FIG4: variants seen among roughly 807,000 people sequenced by gnomAD.
FIG4 encodes the protein FIG4 phosphoinositide 5-phosphatase.
Under a neutral mutation model 118.6 loss-of-function variants are expected in FIG4, and 112 were observed. The ratio of observed to expected loss-of-function variants is 0.94; its 90% CI spans 0.81 to 1.11. FIG4 has a LOEUF of 1.11. Among genes scored for constraint, FIG4 ranks in the 50% least tolerant of loss-of-function variants. The pLI, the probability that FIG4 is intolerant of heterozygous loss-of-function variation, is 0.00. For missense variants in FIG4, 969 were observed against 1,111.7 expected, an observed-to-expected ratio of 0.87 and a Z score of 1.83; for synonymous variants, 369 against 381.2, an observed-to-expected ratio of 0.97 and a Z score of 0.37.
At chr6:109,785,444 G>A (rs1407481849) in intron 17 of FIG4, among the ~76,000 whole-genome samples, 4 of 152,098 alleles carry the variant, frequency 2.6e-5, no homozygotes, top group African/African-American at 4.8e-5. Context: ...GTGAAAAAAG[G>A]TACAGATGCA....
At chr6:109,698,385 G>T (rs566411882) in intron 1 of FIG4, among the ~76,000 whole-genome samples, 1 of 152,050 alleles carries the variant, frequency 6.6e-6, no homozygotes. Context: ...AAGCCTGTTG[G>T]GATTGTGATT....
chr6:109,786,236 ATAT>A (rs753237879), intron 17 of FIG4, 63 bp from the exon 18 acceptor site: 13 of 1,405,700 alleles, frequency 9.2e-6, no homozygotes, highest in Non-Finnish European at 1.3e-5. Flanking sequence ...AACACAGTTA[ATAT>A]TATGGAAATG....
At chr6:109,703,112 G>T (rs1774955548) in intron 1 of FIG4, among the ~76,000 whole-genome samples, 1 of 148,940 alleles carries the variant, frequency 6.7e-6, no homozygotes. Context: ...TTTTTTTTAA[G>T]CCCATGAGTA....
intron 22 of FIG4, among the ~76,000 whole-genome samples, chr6:109,808,900 A>C (rs1298656744): frequency 1.3e-5 from 2 of 152,168 alleles, no homozygotes; most frequent in Non-Finnish European, 2.9e-5. Context: ...ATGTATAATC[A>C]GATATGTTAC....
At chr6:109,700,119 T>A (rs1774862705) in intron 1 of FIG4, among the ~76,000 whole-genome samples, 1 of 152,210 alleles carries the variant, frequency 6.6e-6, no homozygotes, top group Non-Finnish European at 1.5e-5. Flanking sequence ...ACATATGAAT[T>A]TTAAATGTTT....
At chr6:109,795,833 C>T (rs549781685) in intron 21 of FIG4, among the ~76,000 whole-genome samples, 2 of 152,138 alleles carry the variant, frequency 1.3e-5, no homozygotes, top group East Asian at 3.9e-4. Flanking sequence ...GATCTCCTGA[C>T]CTCATGATCC....
intron 17 of FIG4, chr6:109,785,614 C>T: frequency 2.1e-6 from 1 of 465,788 alleles, no homozygotes; most frequent in East Asian, 7.0e-5. Flanking sequence ...AAGCTTAGTT[C>T]TGGCTTTGTT....
At chr6:109,719,558 T>C (rs958310530) in intron 3 of FIG4, among the ~76,000 whole-genome samples, 1 of 152,034 alleles carries the variant, frequency 6.6e-6, no homozygotes, top group African/African-American at 2.4e-5. Context: ...TAATGTTTTT[T>C]CTTTTCTTTT....
At chr6:109,789,801 C>A in intron 19 of FIG4, 124 bp downstream of exon 19, 1 of 715,194 alleles carries the variant, frequency 1.4e-6, no homozygotes, top group South Asian at 1.5e-5. Flanking sequence ...ACTGGGATCA[C>A]TAAGGTGTTC....
chr6:109,811,792 T>G (rs187564689), intron 22 of FIG4, among the ~76,000 whole-genome samples: 1 of 152,328 alleles, frequency 6.6e-6, no homozygotes, highest in East Asian at 1.9e-4. Context: ...GAGGAAAGTT[T>G]TCTCTGAGGA....
At chr6:109,728,310 CT>C (rs1438393495) in intron 4 of FIG4, among the ~76,000 whole-genome samples, 5 of 151,936 alleles carry the variant, frequency 3.3e-5, no homozygotes, top group African/African-American at 4.8e-5. Context: ...GTTAATTGTA[CT>C]TTTTTTTCCC....
At position 109,691,306 on chromosome 6, in the gene FIG4, A is replaced by T; in HGVS notation, c.-130A>T. On this transcript the variant is annotated 5_prime_UTR_variant, in exon 1 of 23. Transcript: ENST00000230124. ...GATCCGGAAACACCTGATCATCTAT[A>T]GGTTTAGTGCCTAATGGGTGTTGTT... 1.3e-6 allele frequency: 1 copy of T among 755,166 alleles called. No individual in the cohort carries two copies. The highest frequency in any genetic ancestry group is 2.3e-6 in the Non-Finnish European group (1 of 427,630). The allele number at this position is 755,166 out of a possible 1,614,324, so 46.8% of individuals were successfully genotyped here.
At chr6:109,698,176 C>A (rs909664959) in intron 1 of FIG4, among the ~76,000 whole-genome samples, 7 of 151,764 alleles carry the variant, frequency 4.6e-5, no homozygotes, top group Non-Finnish European at 8.8e-5. Flanking sequence ...GCTTGAGCCA[C>A]CGTGCCTGGC....
chr6:109,700,297 G>A (rs1774867679), intron 1 of FIG4, among the ~76,000 whole-genome samples: 2 of 152,090 alleles, frequency 1.3e-5, no homozygotes, highest in Admixed American at 1.3e-4. Context: ...GAAAGTCTTA[G>A]TAGCCTGAAC....
Position 109,691,431 on chromosome 6 carries a change from C to G in FIG4, c.-5C>G, listed in dbSNP as rs750289982. ...CCTGTTGTGGGGCCCCCATTTGCCG[C>G]CGCCATGCCCACGGCCGCCGCCCCC... is the stretch of plus-strand genomic sequence containing the variant. On this transcript the variant is annotated 5_prime_UTR_variant, in exon 1 of 23. Transcript: ENST00000230124. 6.3e-7 allele frequency: 1 copy of G among 1,575,092 alleles called. No individual in the cohort carries two copies. The highest frequency in any genetic ancestry group is 8.6e-7 in the Non-Finnish European group (1 of 1,160,074).
chr6:109,774,966 A>G (rs985548643), intron 15 of FIG4, among the ~76,000 whole-genome samples: 1 of 152,220 alleles, frequency 6.6e-6, no homozygotes, highest in Non-Finnish European at 1.5e-5. Context: ...CAGTTCAAAA[A>G]TGAATTTTTT....
In FIG4 at chr6:109,702,132, G is replaced by A. The variant is rs996336598; in HGVS notation, c.66+10631G>A. ...ATACATTTAATCTGAAAGTTCAGGT[G>A]AAGTTTAACATGAATTGAAGCTGTC... On this transcript the variant is annotated intron_variant, in intron 1 of 22. Transcript: ENST00000230124. Among the ~76,000 whole-genome samples, 10 of 152,190 alleles carry A rather than the reference G, an allele frequency of 6.6e-5. 1 individual carries two copies.
chr6:109,725,428 T>G (rs1417167822), intron 3 of FIG4, among the ~76,000 whole-genome samples: 1 of 152,218 alleles, frequency 6.6e-6, no homozygotes, highest in Non-Finnish European at 1.5e-5. Flanking sequence ...GCAAAGGACA[T>G]GAACTCATCC....
intron 10 of FIG4, among the ~76,000 whole-genome samples, chr6:109,757,856 A>G (rs893995037): frequency 2.2e-4 from 34 of 152,380 alleles, no homozygotes; most frequent in African/African-American, 8.2e-4. Context: ...ACTCCCATTC[A>G]GAATTGCTAC....
Sources: gnomAD v4.1 joint callset for allele counts (sites outside exome capture counted in the v4.1 genomes callset) on GRCh38, gnomAD v4.1.1 for gene constraint, MANE v1.5 for transcripts, NCBI Gene and HGNC (gene_info 2026-07-23, HGNC 2026-07-21) for gene names.